Variants in ANK3 observed in about 807,000 individuals in gnomAD.
ANK3 encodes ankyrin 3.
Under a neutral mutation model 370.9 loss-of-function variants are expected in ANK3, and 57 were observed. The ratio of observed to expected loss-of-function variants is 0.15; its 90% CI spans 0.12 to 0.19. ANK3 has a LOEUF of 0.19. Among genes scored for constraint, ANK3 ranks in the 10% least tolerant of loss-of-function variants. The pLI, the probability that ANK3 is intolerant of heterozygous loss-of-function variation, is 1.00. For missense variants in ANK3, 4,439 were observed against 5,302.1 expected (o/e 0.84, Z 5.06); for synonymous variants, 1,929 against 1,946.3 (o/e 0.99, Z 0.23).
rs769414194 is a variant in ANK3, at chr10:60,196,652, TG to T, written c.1690-28del. On this transcript the variant is annotated intron_variant, in intron 14 of 43. Transcript: ENST00000280772. Reference sequence around the variant, plus strand: ...TGAAAAAAAAAAAACATAAAAATAATGAACAATAGAAATGACATAAGGAAAA... The same window carrying T: ...TGAAAAAAAAAAAACATAAAAATAATAACAATAGAAATGACATAAGGAAAA... 21 of 1,413,084 alleles carry T rather than the reference TG, an allele frequency of 1.5e-5. No individual in the cohort carries two copies. The African/African-American group carries it at 3.0e-4, about 20-fold the overall frequency. 87.5% of individuals were successfully genotyped at this position (1,413,084 alleles called of 1,614,324 possible).
intron 23 of ANK3, among the ~76,000 whole-genome samples, chr10:60,152,741 T>C (rs1382749119): frequency 4.6e-5 from 7 of 152,050 alleles, no homozygotes; most frequent in Admixed American, 1.3e-4. Flanking sequence ...CAAACTGTTA[T>C]AAAATAAACA....
At chr10:60,131,264 T>A (rs912147148) in intron 25 of ANK3, among the ~76,000 whole-genome samples, 12 of 152,200 alleles carry the variant, frequency 7.9e-5, no homozygotes, top group African/African-American at 2.7e-4. Context: ...ATGACTCTCA[T>A]TTCCCGCTCT....
chr10:60,140,856 G>A, intron 23 of ANK3: 1 of 989,526 alleles, frequency 1.0e-6, no homozygotes, highest in African/African-American at 1.7e-5. Context: ...CATGTAGGGA[G>A]AGAGCGAAGT....
At chr10:60,451,938 G>T (rs1027357673) in intron 2 of ANK3, among the ~76,000 whole-genome samples, 4 of 152,196 alleles carry the variant, frequency 2.6e-5, no homozygotes, top group African/African-American at 9.7e-5. Flanking sequence ...AGGACCTGTG[G>T]AAAGGTTACT....
At chr10:60,554,538 G>A (rs2077164703) in intron 2 of ANK3, among the ~76,000 whole-genome samples, 1 of 152,122 alleles carries the variant, frequency 6.6e-6, no homozygotes, top group African/African-American at 2.4e-5. Flanking sequence ...ATCAGGTTTT[G>A]TAGCACAAAA....
At chr10:60,065,006 G>A (rs1038926259) in intron 38 of ANK3, among the ~76,000 whole-genome samples, 3 of 152,164 alleles carry the variant, frequency 2.0e-5, no homozygotes, top group Admixed American at 6.5e-5. Context: ...TGCTGATAGG[G>A]TTTGTGCTAA....
chr10:60,181,417 G>A lies in ANK3; in HGVS notation c.2096C>T (p.Thr699Ile). The A allele has an allele frequency of 6.2e-7, 1 of 1,614,138 alleles. No homozygotes were observed. The highest frequency in any genetic ancestry group is 8.5e-7 in the Non-Finnish European group (1 of 1,179,986). ...TTCTTGAGCAGCCAAATGGAGTGGGGTCAGGCCGCTCTGCAAAAGATTCAA... is the reference window on the plus strand; with the variant it reads ...TTCTTGAGCAGCCAAATGGAGTGGGATCAGGCCGCTCTGCAAAAGATTCAA... ...NVNLSNKSGL[T>I]PLHLAAQEDR... Residue 699 changes from threonine to isoleucine, a missense_variant, in exon 18 of 44, where the codon ACC (threonine) becomes ATC (isoleucine). Thr to Ile is a moderately conservative substitution (Grantham distance 89, BLOSUM62 -1). This residue lies in a region of ANK3 where 702 missense variants were observed against 941.5 expected (regional missense o/e 0.75). Transcript: ENST00000280772.
intron 1 of ANK3, among the ~76,000 whole-genome samples, chr10:60,725,092 T>G (rs2079922721): frequency 6.6e-6 from 1 of 152,260 alleles, no homozygotes; most frequent in Non-Finnish European, 1.5e-5. Flanking sequence ...ATGTAAGTAC[T>G]CTTACAAAAT....
chr10:60,376,751 CAAT>C (rs2060833997), intron 1 of ANK3, among the ~76,000 whole-genome samples: 1 of 152,190 alleles, frequency 6.6e-6, no homozygotes, highest in Admixed American at 6.5e-5. Context: ...GAGGCACACT[CAAT>C]ATCTTTTGAA....
chr10:60,480,586 C>A (rs760752618), intron 2 of ANK3, among the ~76,000 whole-genome samples: 1 of 151,968 alleles, frequency 6.6e-6, no homozygotes, highest in Admixed American at 6.6e-5. Context: ...ATCTCTTAAG[C>A]ACTTTGTTAG....
chr10:60,403,171 T>C (rs1176311309), intron 2 of ANK3, among the ~76,000 whole-genome samples: 4 of 152,198 alleles, frequency 2.6e-5, no homozygotes, highest in Admixed American at 6.5e-5. Context: ...AAGGAGCCTA[T>C]GTAGAAATTG....
intron 28 of ANK3, among the ~76,000 whole-genome samples, chr10:60,093,736 C>A (rs894839836): frequency 1.3e-5 from 2 of 152,162 alleles, no homozygotes; most frequent in Non-Finnish European, 2.9e-5. Flanking sequence ...ATTAAAGCCA[C>A]CCCAAATATA....
At position 60,070,489 on chromosome 10, in the gene ANK3, A is replaced by C; in HGVS notation, c.10392T>G (p.Leu3464=). 3 of 1,614,130 alleles carry C rather than the reference A, an allele frequency of 1.9e-6. No homozygotes were observed. The highest frequency in any genetic ancestry group is 2.5e-6 in the Non-Finnish European group (3 of 1,180,020). ...PADRSFSQSK[L]EVIEEEGKVG... ...CCTTTCCCTCCTCCTCGATAACTTC[A>C]AGTTTACTTTGGCTAAAAGAGCGGT... The change falls in exon 37 of 44, where the codon CTT becomes CTG. Residue 3464 remains leucine, a synonymous_variant. Coordinates refer to ENST00000280772, the MANE Select transcript of ANK3 (RefSeq NM_020987.5). This position sits in a 1 kb window ranked among gnomAD's most constrained non-coding sequence, Gnocchi z 5.7.
rs141741941 is a variant in ANK3 at position 60,158,685 on chromosome 10, C to CTTTTTT, written c.2614+7900_2614+7905dup. ...TACTACAAGAGAAAGCACTTTTTTTCTTTTTTTTGAGACAGAATCTCATTC... is the reference window on the plus strand; with the variant it reads ...TACTACAAGAGAAAGCACTTTTTTTCTTTTTTTTTTTTTTGAGACAGAATCTCATTC... On this transcript the variant is annotated intron_variant, in intron 23 of 43. Coordinates refer to ENST00000280772, the MANE Select transcript of ANK3 (RefSeq NM_020987.5). Among the ~76,000 whole-genome samples the CTTTTTT allele has an allele frequency of 3.0e-5, 4 of 132,706 alleles. 1 individual carries two copies. The highest frequency in any genetic ancestry group is 6.2e-5 in the Non-Finnish European group (4 of 64,468). 87.1% of individuals were successfully genotyped at this position (132,706 alleles called of 152,430 possible). A position where few individuals can be genotyped will look rare whatever the true frequency, so the allele number is the denominator to read the frequency against.
intron 2 of ANK3, among the ~76,000 whole-genome samples, chr10:60,596,315 C>A (rs919110577): frequency 1.3e-5 from 2 of 152,094 alleles, no homozygotes; most frequent in Non-Finnish European, 2.9e-5. Flanking sequence ...GAACACTCAA[C>A]AATAATGAAA....
chr10:60,139,362 G>C (rs1021545425), intron 23 of ANK3: 6 of 375,988 alleles, frequency 1.6e-5, no homozygotes, highest in Non-Finnish European at 2.8e-5. Flanking sequence ...TTCCCTGTAA[G>C]CCTCAGCTGA....
Position 60,072,056 on chromosome 10 carries a change from C to T in ANK3, c.8825G>A (p.Gly2942Asp), listed in dbSNP as rs2082805670. 6.2e-7 allele frequency: 1 copy of T among 1,613,930 alleles called. No individual in the cohort carries two copies. Among genetic ancestry groups the T allele is most frequent in the African/African-American group, 1.3e-5 (1 of 74,896 alleles). ...EYVVKEGDHP[G>D]GLLDQPSRRS... is the part of the protein sequence containing the mutation. ...CCTGGAAGGCTGATCAAGCAATCCGCCTGGATGGTCCCCTTCTTTCACAAC... is the reference window on the plus strand; with the variant it reads ...CCTGGAAGGCTGATCAAGCAATCCGTCTGGATGGTCCCCTTCTTTCACAAC... The change falls in exon 37 of 44, where the codon GGC becomes GAC. Residue 2942 changes from glycine (G) to aspartate (D), a missense_variant. This residue lies in a region of ANK3 where 1,601 missense variants were observed against 1,731.7 expected (regional missense o/e 0.92). Coordinates refer to ENST00000280772, the MANE Select transcript of ANK3 (RefSeq NM_020987.5).
chr10:60,596,745 G>C (rs2077993184), intron 2 of ANK3, among the ~76,000 whole-genome samples: 1 of 152,070 alleles, frequency 6.6e-6, no homozygotes, highest in South Asian at 2.1e-4. Flanking sequence ...GGAATCCACT[G>C]AATATAGAAT....
At chr10:60,166,713 C>A (rs889175935) in intron 22 of ANK3, 60 bp from the exon 23 acceptor site, 304 of 1,591,046 alleles carry the variant, frequency 1.9e-4, no homozygotes, top group Non-Finnish European at 2.5e-4. Context: ...GATATTACAA[C>A]AAAACGTTTC....
Sources: allele counts gnomAD v4.1 joint callset (sites outside exome capture counted in the v4.1 genomes callset), GRCh38; gene constraint gnomAD v4.1.1; regional missense constraint gnomAD v4.1.1; non-coding constraint Gnocchi (gnomAD v3.1); transcripts MANE v1.5; gene names NCBI Gene and HGNC (gene_info 2026-07-23, HGNC 2026-07-21).